The following CHI3L1 variants were observed in gnomAD, a reference collection of about 807,000 sequenced individuals.
CHI3L1 encodes chitinase-3-like protein 1.
A neutral mutation model predicts 40.7 loss-of-function variants in CHI3L1; 30 were observed. The observed-to-expected ratio is 0.74, with a 90% CI of 0.55 to 1.00. The LOEUF is 1.00. Among genes scored for constraint, CHI3L1 ranks in the 50% least tolerant of loss-of-function variants. CHI3L1 has a pLI of 0.00. For synonymous variants in CHI3L1, 210 were observed against 192.1 expected, an observed-to-expected ratio of 1.09 and a Z score of -0.77; for missense variants, 493 against 492.2, an observed-to-expected ratio of 1.00 and a Z score of -0.01.
intron 7 of CHI3L1, 50 bp from the exon 8 acceptor site, chr1:203,180,702 G>A (rs751263616): frequency 7.0e-7 from 1 of 1,429,448 alleles, no homozygotes; most frequent in Non-Finnish European, 9.6e-7. Flanking sequence ...CACAGGTGCG[G>A]AAGGTTGAGC....
At position 203,181,291 on chromosome 1, in the gene CHI3L1, GA is replaced by G; in HGVS notation, c.588-7del. ...TGCTAATGAAATCCAGGTGTCTGAG[GA>G]GGAAGGGGATGGAGGGTGAGGCAGG... On this transcript the variant is annotated splice_polypyrimidine_tract_variant and splice_region_variant and intron_variant, in intron 6 of 9. Transcript: ENST00000255409. The G allele has an allele frequency of 6.2e-7, 1 of 1,613,738 alleles. No homozygotes were observed. The highest frequency in any genetic ancestry group is 1.1e-5 in the South Asian group (1 of 91,034).
intron 2 of CHI3L1, among the ~76,000 whole-genome samples, chr1:203,185,618 A>G (rs894739076): frequency 1.3e-5 from 2 of 152,212 alleles, no homozygotes; most frequent in Non-Finnish European, 2.9e-5. Flanking sequence ...GAAAAGATCC[A>G]ATGCAGGGGA....
At position 203,180,572 on chromosome 1, in the gene CHI3L1, G is replaced by A. The variant is rs749409296; in HGVS notation, c.792C>T (p.Ser264=). 4.3e-6 allele frequency: 7 copies of A among 1,611,708 alleles called. No homozygotes were observed. The South Asian group carries it at 7.7e-5, about 18-fold the overall frequency. ...LVMGIPTFGR[S]FTLASSETGV... ...CAGTCTCAGAAGAAGCCAGAGTGAAGCTCCTCCCGAAGGTGGGGATGCCCA... is the reference window on the plus strand; with the variant it reads ...CAGTCTCAGAAGAAGCCAGAGTGAAACTCCTCCCGAAGGTGGGGATGCCCA... Residue 264 remains serine, a synonymous_variant, in exon 8 of 10, where the codon AGC becomes AGT. Coordinates refer to ENST00000255409, the MANE Select transcript of CHI3L1 (RefSeq NM_001276.4).
At chr1:203,179,717 CCTT>C (rs773378246) in intron 9 of CHI3L1, 41 bp downstream of exon 9, 6 of 1,614,052 alleles carry the variant, frequency 3.7e-6, no homozygotes, top group East Asian at 2.2e-5. Context: ...AGCGGGGCCT[CCTT>C]CTTTCTCTTT....
In CHI3L1 at chr1:203,181,306, G is replaced by A. The variant is rs760517579; in HGVS notation, c.588-21C>T. ...GGTGTCTGAGGAGGAAGGGGATGGA[G>A]GGTGAGGCAGGAAATTATTAATAGA... On this transcript the variant is annotated intron_variant, in intron 6 of 9. Coordinates refer to ENST00000255409, the MANE Select transcript of CHI3L1 (RefSeq NM_001276.4). 7 of 1,611,846 alleles carry A rather than the reference G, an allele frequency of 4.3e-6. No homozygotes were observed. The African/African-American group carries it at 5.3e-5, about 12-fold the overall frequency.
chr1:203,184,753 C>G, intron 3 of CHI3L1, 121 bp from the exon 4 acceptor site: 1 of 765,130 alleles, frequency 1.3e-6, no homozygotes, highest in South Asian at 1.5e-5. Context: ...TGGGTTAGGC[C>G]GCTGATGTCC....
At chr1:203,183,105 G>C (rs1655971884) in intron 5 of CHI3L1, among the ~76,000 whole-genome samples, 1 of 152,198 alleles carries the variant, frequency 6.6e-6, no homozygotes, top group Non-Finnish European at 1.5e-5. Context: ...GTCCTGGAGG[G>C]AGCATCGGAC....
Position 203,179,532 on chromosome 1 carries a change from G to T in CHI3L1, c.1065C>A (p.Asp355Glu), listed in dbSNP as rs1558147312. ...AGAAGGAGCCCTGGAAGTCATCCAG[G>T]TCCAGGGCCCATACCATGGCGCCCG... is the stretch of plus-strand genomic sequence containing the variant. ...QLAGAMVWAL[D>E]LDDFQGSFCG... The change falls in exon 10 of 10, where the codon GAC becomes GAA. Residue 355 changes from aspartate to glutamate, a missense_variant. Coordinates refer to ENST00000255409, the MANE Select transcript of CHI3L1 (RefSeq NM_001276.4). The T allele has an allele frequency of 6.2e-7, 1 of 1,603,156 alleles. No homozygotes were observed. The highest frequency in any genetic ancestry group is 8.5e-7 in the Non-Finnish European group (1 of 1,171,916).
chr1:203,181,101 G>A, intron 7 of CHI3L1, 61 bp downstream of exon 7: 5 of 1,594,488 alleles, frequency 3.1e-6, no homozygotes, highest in Non-Finnish European at 4.3e-6. Flanking sequence ...TGGTGTGTGA[G>A]CACTGGCAGA....
intron 6 of CHI3L1, 119 bp downstream of exon 6, chr1:203,182,612 A>G (rs1655959021): frequency 1.7e-6 from 2 of 1,161,346 alleles, no homozygotes; most frequent in Non-Finnish European, 2.5e-6. Context: ...AGGCTTTGGA[A>G]GAACTGGGAC....
Position 203,182,817 on chromosome 1 carries a change from T to G in CHI3L1, c.501A>C (p.Pro167=), listed in dbSNP as rs374000389. ...CGCTGAGCAGGAGCTGCTTTTTCCC[T>G]GGCTGGGCTTCCTTTATAAATTCGG... ...MKAEFIKEAQ[P]GKKQLLLSAA... is the part of the protein sequence containing the mutation. The change falls in exon 6 of 10, where the codon CCA becomes CCC. Residue 167 remains proline, a synonymous_variant. Transcript: ENST00000255409. 1.2e-6 allele frequency: 2 copies of G among 1,614,044 alleles called. No individual in the cohort carries two copies. The highest frequency in any genetic ancestry group is 1.3e-5 in the African/African-American group (1 of 74,920).
intron 6 of CHI3L1, 56 bp from the exon 7 acceptor site, chr1:203,181,341 G>A (rs1655933017): frequency 2.5e-6 from 4 of 1,585,910 alleles, no homozygotes; most frequent in Non-Finnish European, 2.6e-6. Context: ...AAAAGCTTTA[G>A]GCCGGGCGTG....
In CHI3L1 at chr1:203,185,328, T is replaced by C. The variant is rs1656034259; in HGVS notation, c.113A>G (p.Asp38Gly). 1 of 1,614,068 alleles carries C rather than the reference T, an allele frequency of 6.2e-7. No individual in the cohort carries two copies. Among genetic ancestry groups the C allele is most frequent in the Non-Finnish European group, 8.5e-7 (1 of 1,180,028 alleles). Reference sequence around the variant, plus strand: ...AAGGGCATCTGGGAAGCAGCTCCCATCGCCTTCCCGGTACTGGGACCAGCT... The same window carrying C: ...AAGGGCATCTGGGAAGCAGCTCCCACCGCCTTCCCGGTACTGGGACCAGCT... ...YTSWSQYREG[D>G]GSCFPDALDR... is the part of the protein sequence containing the mutation. Residue 38 changes from aspartate to glycine, a missense_variant, in exon 3 of 10, where the codon GAT becomes GGT. Physicochemically the swap from Asp to Gly is moderately conservative, Grantham distance 94. Coordinates refer to ENST00000255409, the MANE Select transcript of CHI3L1 (RefSeq NM_001276.4).
At position 203,179,262 on chromosome 1, in the gene CHI3L1, TACCTCTCTGCCCACCA is replaced by T; in HGVS notation, c.*167_*182del. On this transcript the variant is annotated 3_prime_UTR_variant, in exon 10 of 10. Transcript: ENST00000255409. ...CTCACTATCCCCACAGCCCCATCCC[TACCTCTCTGCCCACCA>T]GGGCTGAGCTCAAATCTGTGTGTTG... The T allele has an allele frequency of 1.5e-5, 8 of 524,978 alleles. No homozygotes were observed. The Admixed American group carries it at 2.6e-4, about 17-fold the overall frequency. 32.5% of individuals were successfully genotyped at this position (524,978 alleles called of 1,614,324 possible). A position where few individuals can be genotyped will look rare whatever the true frequency, so the allele number is the denominator to read the frequency against.
intron 3 of CHI3L1, 45 bp downstream of exon 3, chr1:203,185,139 A>C (rs1571829616): frequency 6.4e-7 from 1 of 1,568,912 alleles, no homozygotes. Context: ...CTGCCCTGGG[A>C]CCAGCCCAGC....
At chr1:203,183,522 C>G (rs147271418) in intron 5 of CHI3L1, 119 bp downstream of exon 5, 19,762 of 1,065,932 alleles carry the variant, frequency 0.019, 289 homozygotes, top group South Asian at 0.041. Context: ...GGACACTGCC[C>G]TGAGGCTGAA....
chr1:203,184,150 G>A (rs530001333), intron 4 of CHI3L1, among the ~76,000 whole-genome samples: 1 of 152,256 alleles, frequency 6.6e-6, no homozygotes, highest in African/African-American at 2.4e-5. Flanking sequence ...CAGCACATGG[G>A]TGCCAACGAT....
At position 203,181,278 on chromosome 1, in the gene CHI3L1, C is replaced by G; in HGVS notation, c.595G>C (p.Asp199His). Reference protein sequence around the residue: ...YDIAKISQHLDFISIMTYDFH... With the variant: ...YDIAKISQHLHFISIMTYDFH... ...TCGTAGGTCATGATGCTAATGAAAT[C>G]CAGGTGTCTGAGGAGGAAGGGGATG... The change falls in exon 7 of 10, where the codon GAT becomes CAT. Residue 199 changes from aspartate (D) to histidine (H), a missense_variant. Coordinates refer to ENST00000255409, the MANE Select transcript of CHI3L1 (RefSeq NM_001276.4). 1.2e-6 allele frequency: 2 copies of G among 1,613,800 alleles called. No homozygotes were observed. Among genetic ancestry groups the G allele is most frequent in the Non-Finnish European group, 8.5e-7 (1 of 1,179,858 alleles).
rs1329674655 is a variant in CHI3L1 at position 203,181,210 on chromosome 1, G to A, written c.663C>T (p.Pro221=). Residue 221 remains proline (P), a synonymous_variant, in exon 7 of 10, where the codon CCC becomes CCT. Transcript: ENST00000255409. ...TTGCATCCTCCTGACCTCGGAACAG[G>A]GGACTGTGATGGCCTGTGGTCCCAC... The part of the protein sequence containing the change: ...AWRGTTGHHS[P]LFRGQEDASP... 1 of 1,614,216 alleles carries A rather than the reference G, an allele frequency of 6.2e-7. No individual in the cohort carries two copies.
Sources: gnomAD v4.1 joint callset for allele counts (sites outside exome capture counted in the v4.1 genomes callset) on GRCh38, gnomAD v4.1.1 for gene constraint, MANE v1.5 for transcripts, NCBI Gene and HGNC (gene_info 2026-07-23, HGNC 2026-07-21) for gene names.